The following GRM7 variants were observed in gnomAD, a reference collection of about 807,000 sequenced individuals.
The protein encoded by GRM7 is glutamate metabotropic receptor 7.
In GRM7, 35 loss-of-function variants were observed where a neutral mutation model predicts 84.5. The observed-to-expected ratio is 0.41, with a 90% confidence interval of 0.32 to 0.55. The LOEUF (loss-of-function observed/expected upper bound fraction) is 0.55, where lower values mean the gene tolerates loss of function less well. Ranked by LOEUF, GRM7 falls within the 20% of genes least tolerant of loss-of-function variation. The pLI is 0.19. For missense variants in GRM7, 1,003 were observed against 1,194.6 expected (o/e 0.84, Z 2.36); for synonymous variants, 487 against 455.1 (o/e 1.07, Z -0.89).
intron 1 of GRM7, among the ~76,000 whole-genome samples, chr3:7,046,742 G>T (rs1188419821): frequency 1.3e-5 from 2 of 152,010 alleles, no homozygotes; most frequent in East Asian, 3.9e-4. Flanking sequence ...CATTTTTGAG[G>T]GTCCAGAGGG....
intron 4 of GRM7, among the ~76,000 whole-genome samples, chr3:7,404,770 C>A (rs1395049218): frequency 2.0e-5 from 3 of 151,660 alleles, no homozygotes; most frequent in African/African-American, 7.3e-5. Context: ...ATAGAAAGTT[C>A]TGAACTCTTT....
At chr3:7,734,455 A>G (rs1390578922) in intron 9 of GRM7, among the ~76,000 whole-genome samples, 1 of 152,248 alleles carries the variant, frequency 6.6e-6, no homozygotes, top group African/African-American at 2.4e-5. Flanking sequence ...TCTGCTTTCA[A>G]TGTTAGCATG....
intron 1 of GRM7, among the ~76,000 whole-genome samples, chr3:6,891,372 G>A (rs189790730): frequency 2.6e-5 from 4 of 152,132 alleles, no homozygotes; most frequent in Non-Finnish European, 4.4e-5. Flanking sequence ...GGCTGGTACC[G>A]GTTGTTGCTT....
At chr3:7,096,883 A>G (rs1375535858) in intron 1 of GRM7, among the ~76,000 whole-genome samples, 1 of 152,188 alleles carries the variant, frequency 6.6e-6, no homozygotes, top group Non-Finnish European at 1.5e-5. Context: ...TTATTATGCT[A>G]TAGATACTCT....
At chr3:6,929,119 T>A (rs562808816) in intron 1 of GRM7, among the ~76,000 whole-genome samples, 1 of 152,302 alleles carries the variant, frequency 6.6e-6, no homozygotes, top group East Asian at 1.9e-4. Flanking sequence ...ACAAGCCAAG[T>A]TGTCAGTAAA....
intron 4 of GRM7, among the ~76,000 whole-genome samples, chr3:7,396,764 G>A (rs1211204965): frequency 6.6e-6 from 1 of 152,044 alleles, no homozygotes. Context: ...TGCAAGTGGT[G>A]CCATCATTAT....
At chr3:7,004,221 A>G (rs1695107153) in intron 1 of GRM7, among the ~76,000 whole-genome samples, 1 of 152,186 alleles carries the variant, frequency 6.6e-6, no homozygotes, top group Non-Finnish European at 1.5e-5. Context: ...AGTATGGATA[A>G]CAGGAGGTGA....
At position 7,211,301 on chromosome 3, in the gene GRM7, T is replaced by C. The variant is rs188079295; in HGVS notation, c.736+64633T>C. Among the ~76,000 whole-genome samples the C allele has an allele frequency of 1.1e-3, 174 of 152,320 alleles. 1 individual carries two copies. Among genetic ancestry groups the C allele is most frequent in the African/African-American group, 4.1e-3 (170 of 41,580 alleles). ...CAAAATACCTGAGCTGCTTGTTAAA[T>C]TTGTAGAAACTCCTCTTGGACTTCA... is the stretch of plus-strand genomic sequence containing the variant. On this transcript the variant is annotated intron_variant, in intron 2 of 9. Coordinates refer to ENST00000357716, the MANE Select transcript of GRM7 (RefSeq NM_000844.4).
At chr3:7,412,409 C>T (rs953343961) in intron 4 of GRM7, among the ~76,000 whole-genome samples, 1 of 152,196 alleles carries the variant, frequency 6.6e-6, no homozygotes, top group African/African-American at 2.4e-5. Flanking sequence ...TCTTGACATT[C>T]TGATAGGTTT....
chr3:7,644,236 A>T (rs531532213), intron 8 of GRM7, among the ~76,000 whole-genome samples: 54 of 148,886 alleles, frequency 3.6e-4, no homozygotes, highest in African/African-American at 1.3e-3. Context: ...GTGTCTGTAC[A>T]TATATATGTG....
chr3:6,928,220 T>A lies in GRM7; in HGVS notation c.519+66313T>A, dbSNP rs1697380516. The stretch of plus-strand genomic sequence containing the variant: ...CATTTTCCCAAAATGTCCCTTGGAA[T>A]TCCCCCAAAGATAGTTGCTCAATAC... On this transcript the variant is annotated intron_variant, in intron 1 of 9. Coordinates refer to ENST00000357716, the MANE Select transcript of GRM7 (RefSeq NM_000844.4). This position sits in a 1 kb window ranked among gnomAD's most constrained non-coding sequence, Gnocchi z 4.5. Among the ~76,000 whole-genome samples, 4 of 152,228 alleles carry A rather than the reference T, an allele frequency of 2.6e-5. No individual in the cohort carries two copies. In the South Asian group the frequency reaches 8.3e-4, roughly 32 times the overall value.
At chr3:6,983,072 TTA>T (rs1229009102) in intron 1 of GRM7, among the ~76,000 whole-genome samples, 7 of 152,232 alleles carry the variant, frequency 4.6e-5, no homozygotes, top group Admixed American at 4.6e-4. Context: ...TTGTCTATAA[TTA>T]TAAAATTGTC....
chr3:7,608,800 C>T (rs1293767521), intron 8 of GRM7, among the ~76,000 whole-genome samples: 3 of 152,084 alleles, frequency 2.0e-5, no homozygotes, highest in Non-Finnish European at 4.4e-5. Flanking sequence ...GTTCCTATGT[C>T]CGGGATAGTA....
chr3:7,007,284 G>A (rs1695213433), intron 1 of GRM7, among the ~76,000 whole-genome samples: 1 of 152,144 alleles, frequency 6.6e-6, no homozygotes, highest in African/African-American at 2.4e-5. Context: ...CACCTAACCT[G>A]TATCGTGATG....
At chr3:7,040,306 CTCTT>C (rs1696546895) in intron 1 of GRM7, among the ~76,000 whole-genome samples, 1 of 143,588 alleles carries the variant, frequency 7.0e-6, no homozygotes, top group Non-Finnish European at 1.5e-5. Flanking sequence ...TCTCTGTAAA[CTCTT>C]TTTTTTTTTG....
intron 9 of GRM7, among the ~76,000 whole-genome samples, chr3:7,698,804 G>A (rs1221142000): frequency 6.6e-6 from 1 of 152,038 alleles, no homozygotes; most frequent in African/African-American, 2.4e-5. Flanking sequence ...AGTACCCCCG[G>A]GCTACTACAT....
At position 6,944,661 on chromosome 3, in the gene GRM7, A is replaced by T. The variant is rs913896334; in HGVS notation, c.519+82754A>T. The stretch of plus-strand genomic sequence containing the variant: ...TTTCTTATAATGCATTTTTCCCCGT[A>T]CTTTTGCTATCTGGATAAATTTAGC... On this transcript the variant is annotated intron_variant, in intron 1 of 9. Coordinates refer to ENST00000357716, the MANE Select transcript of GRM7 (RefSeq NM_000844.4). Among the ~76,000 whole-genome samples the T allele has an allele frequency of 3.3e-5, 5 of 152,050 alleles. No homozygotes were observed. In the South Asian group the frequency reaches 1.0e-3, roughly 31 times the overall value.
chr3:7,677,044 G>A (rs937463236), intron 8 of GRM7, among the ~76,000 whole-genome samples: 3 of 151,954 alleles, frequency 2.0e-5, no homozygotes, highest in East Asian at 1.9e-4. Flanking sequence ...GGAGGATCAC[G>A]AGGTCAGGAG....
At chr3:7,302,759 C>G (rs1182984656) in intron 3 of GRM7, among the ~76,000 whole-genome samples, 1 of 151,654 alleles carries the variant, frequency 6.6e-6, no homozygotes, top group African/African-American at 2.4e-5. Context: ...TGTAATTGCT[C>G]TAGAATTCAT....
Sources: gnomAD v4.1 joint callset for allele counts (sites outside exome capture counted in the v4.1 genomes callset) on GRCh38, gnomAD v4.1.1 for gene constraint, Gnocchi (gnomAD v3.1) non-coding constraint, MANE v1.5 for transcripts, NCBI Gene and HGNC (gene_info 2026-07-23, HGNC 2026-07-21) for gene names.